Variants in GSE1 observed in about 807,000 individuals in gnomAD.
GSE1 encodes Gse1 coiled-coil protein.
A neutral mutation model predicts 112.6 loss-of-function variants in GSE1; 32 were observed. That is an observed-to-expected ratio of 0.28 (90% CI 0.21 to 0.38). The LOEUF is 0.38. Among genes scored for constraint, GSE1 ranks in the 10% least tolerant of loss-of-function variants. The probability of loss-of-function intolerance (pLI) is 1.00; values close to 1 mark genes in which losing one functional copy is unlikely to be tolerated. For synonymous variants in GSE1, 1,115 were observed against 735.6 expected (o/e 1.52, Z -8.35); for missense variants, 2,348 against 1,699.2 (o/e 1.38, Z -6.71).
chr16:85,393,030 T>C (rs2047879852), intron 2 of GSE1, among the ~76,000 whole-genome samples: 1 of 152,126 alleles, frequency 6.6e-6, no homozygotes, highest in South Asian at 2.1e-4. Context: ...GGGAGGAGGA[T>C]CAGATAGAGG....
At chr16:85,580,556 A>C (rs2046405872) in intron 1 of GSE1, among the ~76,000 whole-genome samples, 1 of 152,164 alleles carries the variant, frequency 6.6e-6, no homozygotes, top group African/African-American at 2.4e-5. Flanking sequence ...ATGCCCAGGG[A>C]CACCGCAGCC....
At chr16:85,407,357 C>A (rs868725590) in intron 2 of GSE1, among the ~76,000 whole-genome samples, 1 of 18,714 alleles carries the variant, frequency 5.3e-5, no homozygotes. Flanking sequence ...CTCACCGTTA[C>A]ACTCAGGGCC....
chr16:85,292,490 AG>A (rs1256005991), intron 1 of GSE1, among the ~76,000 whole-genome samples: 2 of 152,028 alleles, frequency 1.3e-5, no homozygotes, highest in African/African-American at 4.8e-5. Flanking sequence ...CACCACGTCC[AG>A]CTAATTTTTG....
Position 85,663,083 on chromosome 16 carries a change from C to G in GSE1, c.2363C>G (p.Thr788Arg), listed in dbSNP as rs201947530. 6.2e-7 allele frequency: 1 copy of G among 1,605,676 alleles called. No individual in the cohort carries two copies. The highest frequency in any genetic ancestry group is 1.3e-5 in the African/African-American group (1 of 74,760). ...GAGCAGCCGCCCCTCAAACTGGACA[C>G]GTCCTCTGAGGTACTGGGCTCTCCT... ...VAEQPPLKLD[T>R]SSEKLEFLQL... The change falls in exon 10 of 16, where the codon ACG becomes AGG. Residue 788 changes from threonine (T) to arginine (R), a missense_variant. By Grantham distance (71) the Thr-to-Arg change is moderately conservative. Transcript: ENST00000253458.
At chr16:85,599,793 G>A (rs770397583) in intron 1 of GSE1, among the ~76,000 whole-genome samples, 24 of 152,214 alleles carry the variant, frequency 1.6e-4, no homozygotes, top group Admixed American at 9.2e-4. Flanking sequence ...CCAGCTACTT[G>A]AGAAGCTGAG....
At chr16:85,591,410 A>G (rs1171920074) in intron 1 of GSE1, among the ~76,000 whole-genome samples, 3 of 152,190 alleles carry the variant, frequency 2.0e-5, no homozygotes, top group Non-Finnish European at 4.4e-5. Context: ...GAGAAGGGAG[A>G]TTTGGGAGCC....
intron 1 of GSE1, among the ~76,000 whole-genome samples, chr16:85,229,315 G>A (rs1416182038): frequency 1.3e-5 from 2 of 152,202 alleles, no homozygotes; most frequent in African/African-American, 4.8e-5. Flanking sequence ...GGGCGGACAC[G>A]GTGAGAGTCA....
intron 2 of GSE1, among the ~76,000 whole-genome samples, chr16:85,478,923 C>CCTTCT (rs2050577258): frequency 2.7e-5 from 1 of 37,630 alleles, no homozygotes; most frequent in African/African-American, 1.6e-4. Flanking sequence ...TTCTTTCTTT[C>CCTTCT]TTTCTCTTTC....
At chr16:85,650,013 C>G (rs1400366175) in intron 3 of GSE1, among the ~76,000 whole-genome samples, 1 of 152,214 alleles carries the variant, frequency 6.6e-6, no homozygotes, top group Non-Finnish European at 1.5e-5. Context: ...GTTGCCTCTG[C>G]TTCCTTTCAC....
In GSE1 at chr16:85,357,752, C is replaced by T. The variant is rs201481550; in HGVS notation, c.2464+109C>T. On this transcript the variant is annotated intron_variant, in intron 2 of 2. Coordinates refer to the GSE1 transcript ENST00000637419. ...TTCAGATACAGTTCCGCCTTGTGTC[C>T]TCGGCATCCTAGGGGAGAGACCGGG... is the stretch of plus-strand genomic sequence containing the variant. The T allele has an allele frequency of 4.4e-5, 27 of 612,286 alleles. No homozygotes were observed. In the East Asian group the frequency reaches 1.9e-3, roughly 43 times the overall value. The allele number at this position is 612,286 out of a possible 1,614,324, so 37.9% of individuals were successfully genotyped here.
At chr16:85,649,635 G>GC (rs67303844) in intron 3 of GSE1, among the ~76,000 whole-genome samples, 33,417 of 152,034 alleles carry the variant, frequency 0.22, 4,132 homozygotes, top group Middle Eastern at 0.29. Flanking sequence ...AGCTCTCCCG[G>GC]CCCCCCACCC....
chr16:85,432,431 T>C (rs890222283), intron 2 of GSE1, among the ~76,000 whole-genome samples: 2 of 152,224 alleles, frequency 1.3e-5, no homozygotes, highest in Non-Finnish European at 2.9e-5. Flanking sequence ...GAGAATGAGC[T>C]TGAAGCTCTG....
intron 2 of GSE1, among the ~76,000 whole-genome samples, chr16:85,643,307 A>G (rs886668958): frequency 2.6e-5 from 4 of 152,010 alleles, no homozygotes; most frequent in African/African-American, 7.2e-5. Context: ...ACGCGGTGAG[A>G]ATGAGGGTTC....
At chr16:85,252,102 G>A (rs1013282372) in intron 1 of GSE1, among the ~76,000 whole-genome samples, 8 of 152,190 alleles carry the variant, frequency 5.3e-5, no homozygotes, top group South Asian at 2.1e-4. Context: ...GCTGACTCCC[G>A]CACTGTGGGA....
At chr16:85,343,317 G>C (rs1043944755) in intron 1 of GSE1, among the ~76,000 whole-genome samples, 1 of 152,156 alleles carries the variant, frequency 6.6e-6, no homozygotes, top group African/African-American at 2.4e-5. Flanking sequence ...CTAGAATGGA[G>C]AGCAGATTAG....
At chr16:85,495,429 TTTTATTTATTTATTTATTTATTTA>T (rs67017375) in intron 2 of GSE1, among the ~76,000 whole-genome samples, 14 of 145,168 alleles carry the variant, frequency 9.6e-5, no homozygotes, top group African/African-American at 2.0e-4. Context: ...GCTGGGAACA[TTTTATTTATTTATTTATTTATTTA>T]TTTATTTATT....
At chr16:85,385,831 G>T (rs1398532073) in intron 2 of GSE1, among the ~76,000 whole-genome samples, 1 of 152,188 alleles carries the variant, frequency 6.6e-6, no homozygotes, top group Admixed American at 6.5e-5. Context: ...AATGACCGCG[G>T]GTGACCCCCG....
exon 1 of GSE1, chr16:85,170,073 C>T (rs934024995): frequency 6.1e-6 from 6 of 984,980 alleles, no homozygotes; most frequent in Admixed American, 6.2e-5. Context: ...ACCCCCTTTC[C>T]GAGCCCGACC....
chr16:85,401,053 G>A (rs1052096921), intron 2 of GSE1, among the ~76,000 whole-genome samples: 6 of 152,292 alleles, frequency 3.9e-5, no homozygotes, highest in South Asian at 2.1e-4. Context: ...AGACCTCCGC[G>A]TGGAGGCCAA....
Sources: gnomAD v4.1 joint callset for allele counts (sites outside exome capture counted in the v4.1 genomes callset) on GRCh38, gnomAD v4.1.1 for gene constraint, MANE v1.5 for transcripts, NCBI Gene and HGNC (gene_info 2026-07-23, HGNC 2026-07-21) for gene names.